The following CDH23 variants were observed in gnomAD, a reference collection of about 807,000 sequenced individuals.
The protein encoded by CDH23 is cadherin related 23.
In CDH23, 189 loss-of-function variants were observed where a neutral mutation model predicts 317.1. The ratio of observed to expected loss-of-function variants is 0.60; its 90% confidence interval spans 0.53 to 0.67. CDH23 has a LOEUF of 0.67. Among genes scored for constraint, CDH23 ranks in the 30% least tolerant of loss-of-function variants. CDH23 has a pLI of 0.00. For synonymous variants in CDH23, 1,839 were observed against 1,876.8 expected (o/e 0.98, Z 0.52); for missense variants, 4,401 against 4,592.4 (o/e 0.96, Z 1.20).
intron 19 of CDH23, among the ~76,000 whole-genome samples, chr10:71,688,293 C>G (rs566128979): frequency 5.9e-5 from 9 of 152,380 alleles, no homozygotes; most frequent in African/African-American, 2.2e-4. Context: ...GCAAATGATC[C>G]TAGCAAAGAA....
chr10:71,775,668 C>G (rs1840800259), intron 38 of CDH23, among the ~76,000 whole-genome samples: 1 of 152,188 alleles, frequency 6.6e-6, no homozygotes, highest in Admixed American at 6.5e-5. Flanking sequence ...CCTTCCCTCC[C>G]CAAGCCCAGA....
At chr10:71,606,323 G>T (rs1277054444) in intron 9 of CDH23, among the ~76,000 whole-genome samples, 1 of 152,224 alleles carries the variant, frequency 6.6e-6, no homozygotes, top group Non-Finnish European at 1.5e-5. Context: ...CTAATTAACT[G>T]AGATGGCTCA....
intron 17 of CDH23, 124 bp from the exon 18 acceptor site, chr10:71,682,321 G>A: frequency 7.5e-7 from 1 of 1,327,568 alleles, no homozygotes; most frequent in African/African-American, 1.5e-5. Flanking sequence ...CAGGTGTTCA[G>A]AAAACAAGCC....
intron 6 of CDH23, among the ~76,000 whole-genome samples, chr10:71,528,152 G>A (rs1473655521): frequency 1.3e-5 from 2 of 152,194 alleles, no homozygotes; most frequent in Non-Finnish European, 2.9e-5. Flanking sequence ...ATGCCATCAT[G>A]CCATGGCACT....
intron 6 of CDH23, chr10:71,511,851 G>A (rs556938471): frequency 1.9e-5 from 3 of 154,946 alleles, no homozygotes; most frequent in African/African-American, 7.2e-5. Context: ...CCCCTCTCCT[G>A]GGTGGCTGAT....
At chr10:71,752,655 G>A (rs1840034612) in intron 38 of CDH23, among the ~76,000 whole-genome samples, 1 of 152,158 alleles carries the variant, frequency 6.6e-6, no homozygotes, top group African/African-American at 2.4e-5. Flanking sequence ...GCTGGGGCTG[G>A]GCCCGCTGGC....
intron 3 of CDH23, among the ~76,000 whole-genome samples, chr10:71,497,399 C>T (rs1306120710): frequency 6.6e-6 from 1 of 152,132 alleles, no homozygotes; most frequent in Non-Finnish European, 1.5e-5. Flanking sequence ...GACTTCAACC[C>T]TCATGGGCCT....
At chr10:71,771,375 C>T (rs924376433) in intron 38 of CDH23, among the ~76,000 whole-genome samples, 1 of 152,242 alleles carries the variant, frequency 6.6e-6, no homozygotes, top group African/African-American at 2.4e-5. Context: ...AGGCTGGCCC[C>T]GGCCACTCTA....
At chr10:71,615,880 G>A (rs920170328) in intron 10 of CDH23, among the ~76,000 whole-genome samples, 2 of 152,202 alleles carry the variant, frequency 1.3e-5, no homozygotes, top group African/African-American at 4.8e-5. Context: ...CCCTCTCAGC[G>A]GGAGGCACAC....
At chr10:71,773,711 C>T (rs1006349212) in intron 38 of CDH23, among the ~76,000 whole-genome samples, 11 of 152,190 alleles carry the variant, frequency 7.2e-5, no homozygotes, top group African/African-American at 2.7e-4. Context: ...TCCACTTGAT[C>T]GGCAGTTTAA....
At chr10:71,661,987 G>C (rs886940730) in intron 14 of CDH23, among the ~76,000 whole-genome samples, 1 of 148,716 alleles carries the variant, frequency 6.7e-6, no homozygotes, top group Admixed American at 6.7e-5. Flanking sequence ...GCACCATCAC[G>C]GTGCAGCCCT....
intron 6 of CDH23, among the ~76,000 whole-genome samples, chr10:71,531,547 A>G (rs1460232088): frequency 6.6e-6 from 1 of 152,194 alleles, no homozygotes; most frequent in Non-Finnish European, 1.5e-5. Flanking sequence ...TCACCCCACT[A>G]GAGTGACTGC....
chr10:71,604,922 G>A (rs1860441810), intron 9 of CDH23, among the ~76,000 whole-genome samples: 1 of 152,230 alleles, frequency 6.6e-6, no homozygotes. Context: ...GACCAGGGCG[G>A]GAAAGGCCCC....
At position 71,702,013 on chromosome 10, in the gene CDH23, C is replaced by T. The variant is rs1424605862; in HGVS notation, c.2398-9C>T. 4 of 1,613,430 alleles carry T rather than the reference C, an allele frequency of 2.5e-6. No individual in the cohort carries two copies. Among genetic ancestry groups the T allele is most frequent in the East Asian group, 2.2e-5 (1 of 44,870 alleles). On this transcript the variant is annotated splice_polypyrimidine_tract_variant and intron_variant, in intron 22 of 69. Coordinates refer to ENST00000224721, the MANE Select transcript of CDH23 (RefSeq NM_022124.6). The stretch of plus-strand genomic sequence containing the variant: ...GGCTCAGTGAAGGGGTCTGCTCCCT[C>T]CCGGGCAGGTGGTGGCTGTTGACCC...
rs1251324551 is a variant in CDH23 at position 71,751,662 on chromosome 10, A to C, written c.4845+9741A>C. 1 of 1,523,942 alleles carries C rather than the reference A, an allele frequency of 6.6e-7. No homozygotes were observed. The highest frequency in any genetic ancestry group is 8.8e-7 in the Non-Finnish European group (1 of 1,136,878). 94.4% of individuals were successfully genotyped at this position (1,523,942 alleles called of 1,614,324 possible). A position where few individuals can be genotyped will look rare whatever the true frequency, so the allele number is the denominator to read the frequency against. On this transcript the variant is annotated intron_variant, in intron 38 of 69. Coordinates refer to ENST00000224721, the MANE Select transcript of CDH23 (RefSeq NM_022124.6). The surrounding 1 kb of genome is among the most constrained non-coding windows in gnomAD (Gnocchi z 4.9). Reference sequence around the variant, plus strand: ...CATCGTGCTGTGAAGGTCAGGAAACACTTACCCAGGGATGGGAAGAAGACG... The same window carrying C: ...CATCGTGCTGTGAAGGTCAGGAAACCCTTACCCAGGGATGGGAAGAAGACG...
chr10:71,581,836 C>G (rs935988385), intron 9 of CDH23, among the ~76,000 whole-genome samples: 9 of 152,228 alleles, frequency 5.9e-5, no homozygotes, highest in East Asian at 3.9e-4. Context: ...CAGACACCCC[C>G]TCTGGCCTCA....
rs375263656 is a variant in CDH23, at chr10:71,577,687, A to G, written c.754-227A>G. 3.9e-5 allele frequency among the ~76,000 whole-genome samples: 6 copies of G among 152,152 alleles called. No homozygotes were observed. The South Asian group carries it at 1.2e-3, about 32-fold the overall frequency. On this transcript the variant is annotated intron_variant, in intron 8 of 69. Coordinates refer to ENST00000224721, the MANE Select transcript of CDH23 (RefSeq NM_022124.6). ...AGGGATATGGGAAGGGGAAAGGGGA[A>G]TGATAACATCGGTAAGGTTTGGCCT...
At chr10:71,560,933 G>A (rs1857097520) in intron 6 of CDH23, among the ~76,000 whole-genome samples, 1 of 152,228 alleles carries the variant, frequency 6.6e-6, no homozygotes, top group African/African-American at 2.4e-5. Context: ...GGCACCTATG[G>A]TGGAAATGGT....
intron 53 of CDH23, among the ~76,000 whole-genome samples, chr10:71,801,150 C>CTTTTTT (rs386371783): frequency 6.2e-4 from 46 of 73,976 alleles, no homozygotes; most frequent in East Asian, 1.4e-3. Flanking sequence ...CTCTCTCTCT[C>CTTTTTT]TTTTTTTTTT....
Sources: allele counts gnomAD v4.1 joint callset (sites outside exome capture counted in the v4.1 genomes callset), GRCh38; gene constraint gnomAD v4.1.1; non-coding constraint Gnocchi (gnomAD v3.1); transcripts MANE v1.5; gene names NCBI Gene and HGNC (gene_info 2026-07-23, HGNC 2026-07-21).